The following CYP3A7 variants were observed in gnomAD, a reference collection of about 807,000 sequenced individuals.
CYP3A7 encodes cytochrome P450 3A7.
In CYP3A7, 45 loss-of-function variants were observed where a neutral mutation model predicts 55.2. The observed-to-expected ratio is 0.82, with a 90% CI of 0.64 to 1.05. The LOEUF (loss-of-function observed/expected upper bound fraction) is 1.05, where lower values mean the gene tolerates loss of function less well. CYP3A7 is among the 50% of genes least tolerant of loss of function. The pLI, the probability that CYP3A7 is intolerant of heterozygous loss-of-function variation, is 0.00. For missense variants in CYP3A7, 548 were observed against 605.3 expected, an observed-to-expected ratio of 0.91 and a Z score of 0.99; for synonymous variants, 180 against 207.4, an observed-to-expected ratio of 0.87 and a Z score of 1.13.
Position 99,708,089 on chromosome 7 carries a change from T to C in CYP3A7, c.1254-115A>G, listed in dbSNP as rs1348917165. ...TCTACTAGCAGTACACAGGATACTTTTGTGGGCTAGTCACTGAAATCCTGC... is the reference window on the plus strand; with the variant it reads ...TCTACTAGCAGTACACAGGATACTTCTGTGGGCTAGTCACTGAAATCCTGC... On this transcript the variant is annotated intron_variant, in intron 11 of 12. Transcript: ENST00000336374. 4 of 1,458,838 alleles carry C rather than the reference T, an allele frequency of 2.7e-6. No homozygotes were observed. The African/African-American group carries it at 5.6e-5, about 21-fold the overall frequency. 90.4% of individuals were successfully genotyped at this position (1,458,838 alleles called of 1,614,324 possible). A position where few individuals can be genotyped will look rare whatever the true frequency, so the allele number is the denominator to read the frequency against.
rs1303716374 is a variant in CYP3A7, at chr7:99,710,067, C to A, written c.1026+665G>T. 2.6e-5 allele frequency among the ~76,000 whole-genome samples: 4 copies of A among 152,144 alleles called. No homozygotes were observed. In the East Asian group the frequency reaches 7.7e-4, roughly 29 times the overall value. On this transcript the variant is annotated intron_variant, in intron 10 of 12. Coordinates refer to ENST00000336374, the MANE Select transcript of CYP3A7 (RefSeq NM_000765.5). ...TGTTGCTTCAGGGCTGGACTGTAAT[C>A]TCTGAAGAACATCCCTTTGTGCTCA...
intron 4 of CYP3A7, among the ~76,000 whole-genome samples, chr7:99,719,542 T>C (rs1053070805): frequency 3.9e-5 from 6 of 152,206 alleles, no homozygotes; most frequent in Admixed American, 1.3e-4. Flanking sequence ...ATTGGCAATA[T>C]AGGAAGGAGG....
At chr7:99,714,788 G>T in intron 7 of CYP3A7, 106 bp from the exon 8 acceptor site, 1 of 1,538,016 alleles carries the variant, frequency 6.5e-7, no homozygotes, top group Non-Finnish European at 8.7e-7. Context: ...AAATACATCA[G>T]TGTTCTCAAC....
chr7:99,711,042 ATG>A, intron 9 of CYP3A7, 150 bp from the exon 10 acceptor site: 1 of 1,339,290 alleles, frequency 7.5e-7, no homozygotes, highest in East Asian at 2.5e-5. Flanking sequence ...TTTCACTCTG[ATG>A]TGTGTCTTAC....
rs1416418816 is a variant in CYP3A7, at chr7:99,722,303, CT to C, written c.210del (p.Val71SerfsTer19). On this transcript the variant is annotated frameshift_variant, in exon 3 of 13. Transcript: ENST00000336374. LOFTEE classifies it high-confidence loss of function. The stretch of plus-strand genomic sequence containing the variant: ...ATCTTCCAGAATACTCACCCCCAGA[CT>C]TTTCTATACTTTTTATAACATTCCA... ...FDMECYKKYRKVWGIYDCQQP... is the reference protein window; with the variant it reads ...FDMECYKKYRXVWGIYDCQQP... 1 of 1,613,510 alleles carries C rather than the reference CT, an allele frequency of 6.2e-7. No individual in the cohort carries two copies. The highest frequency in any genetic ancestry group is 8.5e-7 in the Non-Finnish European group (1 of 1,179,658).
intron 9 of CYP3A7, among the ~76,000 whole-genome samples, chr7:99,712,068 C>T (rs1449280362): frequency 2.6e-5 from 4 of 152,140 alleles, no homozygotes; most frequent in African/African-American, 9.7e-5. Flanking sequence ...CTTGTGATTG[C>T]AAGTTGGCCC....
Position 99,714,688 on chromosome 7 carries a change from GAA to G in CYP3A7, c.671-8_671-7del. ...GGTAAGGAATGGAAAGACTTCTGTA[GAA>G]AAAAAAAACCAACAGAAAACGAAAC... On this transcript the variant is annotated splice_polypyrimidine_tract_variant and splice_region_variant and intron_variant, in intron 7 of 12. Transcript: ENST00000336374. The G allele has an allele frequency of 7.0e-7, 1 of 1,429,468 alleles. No individual in the cohort carries two copies. The highest frequency in any genetic ancestry group is 9.5e-7 in the Non-Finnish European group (1 of 1,052,924). The allele number at this position is 1,429,468 out of a possible 1,614,324, so 88.5% of individuals were successfully genotyped here.
Position 99,705,416 on chromosome 7 carries a change from G to A in CYP3A7, c.*84C>T, listed in dbSNP as rs1003436389. On this transcript the variant is annotated 3_prime_UTR_variant, in exon 13 of 13. Transcript: ENST00000336374. ...TGGATGAAGCCCGTCTTCATTTCAGGGTTCTATTTGTAAAGTAATTTGAGG... is the reference window on the plus strand; with the variant it reads ...TGGATGAAGCCCGTCTTCATTTCAGAGTTCTATTTGTAAAGTAATTTGAGG... The A allele has an allele frequency of 1.1e-5, 16 of 1,454,904 alleles. No homozygotes were observed. The African/African-American group carries it at 2.1e-4, about 19-fold the overall frequency. The allele number at this position is 1,454,904 out of a possible 1,614,324, so 90.1% of individuals were successfully genotyped here. A position where few individuals can be genotyped will look rare whatever the true frequency, so the allele number is the denominator to read the frequency against.
At chr7:99,719,149 C>T (rs1192192736) in intron 4 of CYP3A7, among the ~76,000 whole-genome samples, 2 of 152,120 alleles carry the variant, frequency 1.3e-5, no homozygotes, top group African/African-American at 4.8e-5. Context: ...CTGAGAGACT[C>T]ATTCTGAATT....
chr7:99,731,178 C>A (rs765830042), intron 1 of CYP3A7, 26 bp from the exon 2 acceptor site: 13 of 1,613,136 alleles, frequency 8.1e-6, no homozygotes, highest in Non-Finnish European at 1.1e-5. Context: ...AAAATCAGGT[C>A]TCAGGGATTG....
chr7:99,722,348 C>G lies in CYP3A7; in HGVS notation c.166G>C (p.Gly56Arg). ...FLGNALSFRK[G>R]YWTFDMECYK... ...CATTCCATGTCAAACGTCCAATAGC[C>G]CTGGGAGGAGAAACAAAATAATATT... The change falls in exon 3 of 13, where the codon GGC becomes CGC. Residue 56 changes from glycine to arginine, a missense_variant and splice_region_variant. Physicochemically the swap from Gly to Arg is moderately radical, Grantham distance 125 (BLOSUM62 -2). Coordinates refer to ENST00000336374, the MANE Select transcript of CYP3A7 (RefSeq NM_000765.5). The G allele has an allele frequency of 1.2e-6, 2 of 1,613,418 alleles. No homozygotes were observed. Among genetic ancestry groups the G allele is most frequent in the Non-Finnish European group, 8.5e-7 (1 of 1,179,630 alleles).
At chr7:99,715,498 A>G (rs558041895) in intron 7 of CYP3A7, 18 of 498,538 alleles carry the variant, frequency 3.6e-5, no homozygotes, top group Admixed American at 3.3e-4. Context: ...AGGCAAATCT[A>G]TAGATGCAGA....
intron 2 of CYP3A7, among the ~76,000 whole-genome samples, chr7:99,724,911 C>G (rs2151525852): frequency 6.6e-6 from 1 of 152,250 alleles, no homozygotes; most frequent in East Asian, 1.9e-4. Context: ...CTGACCTCCC[C>G]CCTCTCCCCA....
Position 99,715,924 on chromosome 7 carries a change from T to G in CYP3A7, c.522-18A>C. On this transcript the variant is annotated intron_variant, in intron 6 of 12. Transcript: ENST00000336374. ...CAAAGACGCTGAGTGGAGAAAGATG[T>G]GGAAAATTAAAATCAGCACCTCTTT... The G allele has an allele frequency of 6.2e-7, 1 of 1,613,280 alleles. No homozygotes were observed. The highest frequency in any genetic ancestry group is 8.5e-7 in the Non-Finnish European group (1 of 1,179,690).
At chr7:99,708,717 T>A (rs1212461175) in intron 11 of CYP3A7, among the ~76,000 whole-genome samples, 1 of 152,168 alleles carries the variant, frequency 6.6e-6, no homozygotes, top group Non-Finnish European at 1.5e-5. Flanking sequence ...GGAAAAAATA[T>A]TCATTTGTGG....
intron 9 of CYP3A7, 149 bp from the exon 10 acceptor site, chr7:99,711,041 G>T: frequency 7.5e-7 from 1 of 1,338,606 alleles, no homozygotes; most frequent in Non-Finnish European, 1.0e-6. Context: ...GTTTCACTCT[G>T]ATGTGTGTCT....
chr7:99,713,598 A>C, intron 8 of CYP3A7, 63 bp from the exon 9 acceptor site: 1 of 1,609,734 alleles, frequency 6.2e-7, no homozygotes, highest in African/African-American at 1.3e-5. Flanking sequence ...AGTTAATCAG[A>C]AGTGCAGTCC....
intron 3 of CYP3A7, among the ~76,000 whole-genome samples, chr7:99,721,218 A>T (rs1258265367): frequency 1.3e-5 from 2 of 152,224 alleles, no homozygotes; most frequent in African/African-American, 2.4e-5. Context: ...ATAGACAAAG[A>T]TGTATTTATA....
rs1328699021 is a variant in CYP3A7 at position 99,718,634 on chromosome 7, C to G, written c.319-995G>C. Reference sequence around the variant, plus strand: ...TTCCTTCCTAATATTAGGAACAATTCAAAAATTCAACACATTTATTTGACA... The same window carrying G: ...TTCCTTCCTAATATTAGGAACAATTGAAAAATTCAACACATTTATTTGACA... On this transcript the variant is annotated intron_variant, in intron 4 of 12. Transcript: ENST00000336374. Among the ~76,000 whole-genome samples, 3 of 151,908 alleles carry G rather than the reference C, an allele frequency of 2.0e-5. No homozygotes were observed. In the East Asian group the frequency reaches 5.8e-4, roughly 29 times the overall value.
Sources: gnomAD v4.1 joint callset for allele counts (sites outside exome capture counted in the v4.1 genomes callset) on GRCh38, gnomAD v4.1.1 for gene constraint, MANE v1.5 for transcripts, NCBI Gene and HGNC (gene_info 2026-07-23, HGNC 2026-07-21) for gene names.